Variants in TTLL9 observed in about 807,000 individuals in gnomAD.
TTLL9 encodes the protein probable tubulin polyglutamylase TTLL9.
A neutral mutation model predicts 65.6 loss-of-function variants in TTLL9; 47 were observed. The ratio of observed to expected loss-of-function variants is 0.72; its 90% CI spans 0.57 to 0.91. The LOEUF (loss-of-function observed/expected upper bound fraction) is 0.91, where lower values mean the gene tolerates loss of function less well. Ranked by LOEUF, TTLL9 falls within the 40% of genes least tolerant of loss-of-function variation. The pLI is 0.00. For synonymous variants in TTLL9, 179 were observed against 204.8 expected (o/e 0.87, Z 1.07); for missense variants, 537 against 568.8 (o/e 0.94, Z 0.57).
intron 14 of TTLL9, 72 bp from the exon 15 acceptor site, chr20:31,942,873 G>A (rs1228410378): frequency 4.7e-6 from 7 of 1,476,546 alleles, no homozygotes; most frequent in Non-Finnish European, 5.7e-6. Context: ...TCCCAGCAGG[G>A]AGTTGGGGCA....
intron 10 of TTLL9, among the ~76,000 whole-genome samples, chr20:31,931,904 T>A (rs1175243740): frequency 1.3e-5 from 2 of 152,276 alleles, no homozygotes; most frequent in African/African-American, 4.8e-5. Flanking sequence ...TGAATTTATC[T>A]ACTTTTTCTT....
chr20:31,924,927 C>T (rs2063874358), intron 8 of TTLL9, 82 bp from the exon 9 acceptor site: 5 of 1,488,134 alleles, frequency 3.4e-6, no homozygotes, highest in South Asian at 2.4e-5. Flanking sequence ...TCCTGTCTGT[C>T]CACTGCTATT....
At chr20:31,925,999 AC>A in intron 9 of TTLL9, 49 bp from the exon 10 acceptor site, 3 of 1,610,574 alleles carry the variant, frequency 1.9e-6, no homozygotes, top group Non-Finnish European at 2.5e-6. Flanking sequence ...CGACACACCT[AC>A]CCCTTCCCAC....
chr20:31,925,533 G>A (rs1465081008), intron 9 of TTLL9, among the ~76,000 whole-genome samples: 1 of 152,192 alleles, frequency 6.6e-6, no homozygotes, highest in Non-Finnish European at 1.5e-5. Context: ...TAACCAGGGA[G>A]TGGCTATATT....
intron 2 of TTLL9, among the ~76,000 whole-genome samples, chr20:31,877,854 A>ATTGT (rs2063058121): frequency 6.6e-6 from 1 of 152,256 alleles, no homozygotes; most frequent in Admixed American, 6.5e-5. Context: ...GGATTGGGGA[A>ATTGT]AATACACATC....
intron 10 of TTLL9, among the ~76,000 whole-genome samples, chr20:31,930,017 A>G (rs2063979357): frequency 6.6e-6 from 1 of 152,062 alleles, no homozygotes; most frequent in South Asian, 2.1e-4. Flanking sequence ...AATCCCAGCT[A>G]CTCGGGAGGC....
chr20:31,873,298 T>C (rs1012666879), intron 2 of TTLL9, among the ~76,000 whole-genome samples: 1 of 152,258 alleles, frequency 6.6e-6, no homozygotes, highest in Non-Finnish European at 1.5e-5. Context: ...TGTAGGAAAT[T>C]GTGCCAAAGA....
At position 31,943,330 on chromosome 20, in the gene TTLL9, T is replaced by TA; in HGVS notation, c.*309_*310insA. On this transcript the variant is annotated 3_prime_UTR_variant, in exon 15 of 15. Coordinates refer to ENST00000535842, the MANE Select transcript of TTLL9 (RefSeq NM_001008409.5). ...AGCAAGTTCTGCTACCCCCAGGAGA[T>TA]CATATCTAATAAATGAGCACAGGCC... The TA allele has an allele frequency of 7.0e-6, 3 of 430,182 alleles. No individual in the cohort carries two copies. The highest frequency in any genetic ancestry group is 1.3e-5 in the Non-Finnish European group (3 of 229,982). 26.6% of individuals were successfully genotyped at this position (430,182 alleles called of 1,614,324 possible).
intron 6 of TTLL9, among the ~76,000 whole-genome samples, chr20:31,914,333 C>T (rs1423397287): frequency 6.6e-6 from 1 of 152,138 alleles, no homozygotes; most frequent in Admixed American, 6.5e-5. Flanking sequence ...AATGTGTGGA[C>T]CCTATCACAG....
intron 3 of TTLL9, among the ~76,000 whole-genome samples, chr20:31,898,051 C>A (rs1172197410): frequency 6.6e-6 from 1 of 152,136 alleles, no homozygotes; most frequent in Non-Finnish European, 1.5e-5. Flanking sequence ...AGCCAGTCTG[C>A]CTTCTTCTCT....
intron 4 of TTLL9, among the ~76,000 whole-genome samples, chr20:31,906,033 C>CA (rs892374670): frequency 0.13 from 6,119 of 45,346 alleles, 214 homozygotes; most frequent in Middle Eastern, 0.21. Flanking sequence ...AATTTCATCT[C>CA]AAAAAAAAAA....
At chr20:31,900,583 G>A (rs1205202275) in intron 4 of TTLL9, among the ~76,000 whole-genome samples, 5 of 152,170 alleles carry the variant, frequency 3.3e-5, no homozygotes, top group Non-Finnish European at 5.9e-5. Context: ...TTCTCTTTAG[G>A]GCTTTGGGGA....
chr20:31,882,502 A>G (rs1035139993), intron 2 of TTLL9, among the ~76,000 whole-genome samples: 2 of 152,196 alleles, frequency 1.3e-5, no homozygotes, highest in Admixed American at 6.5e-5. Context: ...CTCAACACCA[A>G]CTGGCGCCAT....
intron 14 of TTLL9, chr20:31,941,351 A>C (rs1034800276): frequency 3.3e-5 from 5 of 152,176 alleles, no homozygotes; most frequent in African/African-American, 1.2e-4. Context: ...TGCACCAAAG[A>C]TATCAATGCG....
rs899299986 is a variant in TTLL9 at position 31,914,387 on chromosome 20, G to A, written c.504+4465G>A. 2.6e-5 allele frequency among the ~76,000 whole-genome samples: 4 copies of A among 152,094 alleles called. No homozygotes were observed. The South Asian group carries it at 8.3e-4, about 31-fold the overall frequency. On this transcript the variant is annotated intron_variant, in intron 6 of 14. Transcript: ENST00000535842. ...ACCACTTCATTGAAACATAATTGGC[G>A]TACAACAAGCTGTGCGTATTTAATG...
intron 13 of TTLL9, chr20:31,938,362 A>G: frequency 2.7e-6 from 1 of 373,380 alleles, no homozygotes. Flanking sequence ...GGAAAACCCA[A>G]GGTACTCTTG....
At chr20:31,927,480 CAAAAAAAAA>C (rs777895091) in intron 10 of TTLL9, among the ~76,000 whole-genome samples, 1 of 54,198 alleles carries the variant, frequency 1.8e-5, no homozygotes, top group South Asian at 9.3e-4. Flanking sequence ...GACTCTGTCT[CAAAAAAAAA>C]AAAAAAAAAA....
At position 31,887,182 on chromosome 20, in the gene TTLL9, T is replaced by C; in HGVS notation, c.70-14T>C. On this transcript the variant is annotated splice_polypyrimidine_tract_variant and intron_variant, in intron 2 of 14. Transcript: ENST00000535842. ...TACAAAACCAGTTACATCCTTTTCC[T>C]TTCCTCATTGCAGAACCAAAATTAC... 6.2e-7 allele frequency: 1 copy of C among 1,614,126 alleles called. No homozygotes were observed.
intron 3 of TTLL9, among the ~76,000 whole-genome samples, chr20:31,887,855 C>CTTCTCTTCTCTT (rs2063214982): frequency 8.7e-6 from 1 of 114,926 alleles, no homozygotes; most frequent in Non-Finnish European, 1.8e-5. Context: ...TATCTCCTCT[C>CTTCTCTTCTCTT]CTCTTCTCTT....
Sources: allele counts gnomAD v4.1 joint callset (sites outside exome capture counted in the v4.1 genomes callset), GRCh38; gene constraint gnomAD v4.1.1; transcripts MANE v1.5; gene names NCBI Gene and HGNC (gene_info 2026-07-23, HGNC 2026-07-21).